NUMA1: variants seen among roughly 807,000 people sequenced by gnomAD.
NUMA1 encodes nuclear mitotic apparatus protein 1.
In NUMA1, 62 loss-of-function variants were observed where a neutral mutation model predicts 237.1. That is an observed-to-expected ratio of 0.26 (90% confidence interval 0.21 to 0.32). NUMA1 has a LOEUF of 0.32. Among genes scored for constraint, NUMA1 ranks in the 10% least tolerant of loss-of-function variants. NUMA1 has a pLI of 1.00. For synonymous variants in NUMA1, 1,028 were observed against 1,066.1 expected (o/e 0.96, Z 0.70); for missense variants, 2,533 against 2,666.5 (o/e 0.95, Z 1.10).
chr11:72,028,645 T>C (rs1177518084), intron 4 of NUMA1, among the ~76,000 whole-genome samples: 1 of 152,168 alleles, frequency 6.6e-6, no homozygotes, highest in East Asian at 1.9e-4. Flanking sequence ...GCTTATTAAA[T>C]GCTCATGGAC....
At chr11:72,049,417 A>T in intron 2 of NUMA1, 1 of 150,388 alleles carries the variant, frequency 6.6e-6, no homozygotes, top group East Asian at 2.0e-4. Flanking sequence ...GCTCTAAAGT[A>T]CCTTTTCAGG....
rs765532214 is a variant in NUMA1, at chr11:72,018,503, T to A, written c.753A>T (p.Ile251=). The change falls in exon 11 of 27, where the codon ATA becomes ATT. Residue 251 remains isoleucine, a synonymous_variant. Coordinates refer to ENST00000393695, the MANE Select transcript of NUMA1 (RefSeq NM_006185.4). ...RKLLTEKDAQ[I]AMMQQRIDRL... ...GGTCAATGCGCTGCTGCATCATGGC[T>A]ATCTGTGCATCTGCCCAGAGTGGAG... 4 of 1,613,980 alleles carry A rather than the reference T, an allele frequency of 2.5e-6. No individual in the cohort carries two copies. The highest frequency in any genetic ancestry group is 1.7e-4 in the Middle Eastern group (1 of 6,056).
At chr11:72,024,392 A>G (rs748804585) in intron 4 of NUMA1, 39 bp from the exon 5 acceptor site, 1 of 1,561,802 alleles carries the variant, frequency 6.4e-7, no homozygotes, top group East Asian at 2.2e-5. Flanking sequence ...AGTATTCAGC[A>G]ATCTTTGCCT....
intron 3 of NUMA1, among the ~76,000 whole-genome samples, chr11:72,032,920 A>C (rs1005694916): frequency 1.3e-5 from 2 of 152,216 alleles, no homozygotes; most frequent in African/African-American, 4.8e-5. Context: ...AGAGCTCCCA[A>C]TAATTCTAGT....
At chr11:72,079,496 C>T (rs1264120651) in intron 1 of NUMA1, among the ~76,000 whole-genome samples, 1 of 151,544 alleles carries the variant, frequency 6.6e-6, no homozygotes, top group African/African-American at 2.4e-5. Context: ...GCCGAGATCG[C>T]GCCACTGCAC....
At chr11:72,036,384 GTCTTTT>G (rs1487813126) in intron 2 of NUMA1, among the ~76,000 whole-genome samples, 1 of 152,308 alleles carries the variant, frequency 6.6e-6, no homozygotes, top group East Asian at 1.9e-4. Context: ...ACCTCTTTCA[GTCTTTT>G]TCTTTATCTG....
intron 2 of NUMA1, among the ~76,000 whole-genome samples, chr11:72,057,955 C>T (rs939762296): frequency 2.0e-4 from 30 of 151,232 alleles, no homozygotes; most frequent in African/African-American, 6.6e-4. Context: ...CCTGTAATCC[C>T]AGCTACTAGG....
intron 2 of NUMA1, among the ~76,000 whole-genome samples, chr11:72,063,491 C>T (rs908401612): frequency 6.6e-6 from 1 of 150,712 alleles, no homozygotes; most frequent in African/African-American, 2.4e-5. Flanking sequence ...GTCAGGAGTT[C>T]AAGACCAGCA....
At chr11:72,041,002 T>C (rs1260421821) in intron 2 of NUMA1, 1 of 151,832 alleles carries the variant, frequency 6.6e-6, no homozygotes, top group Admixed American at 6.6e-5. Context: ...TAATCCGCCA[T>C]TAGCATTTAA....
intron 2 of NUMA1, chr11:72,065,184 G>A (rs1037674625): frequency 1.3e-5 from 2 of 151,846 alleles, no homozygotes; most frequent in African/African-American, 4.8e-5. Flanking sequence ...AACCAAAAAC[G>A]TAGACAAAAA....
Position 72,009,931 on chromosome 11 carries a change from T to TTTA in NUMA1, c.4720-547_4720-545dup, listed in dbSNP as rs543101726. Among the ~76,000 whole-genome samples, 353 of 152,342 alleles carry TTTA rather than the reference T, an allele frequency of 2.3e-3. 1 individual carries two copies. Among genetic ancestry groups the TTTA allele is most frequent in the African/African-American group, 8.2e-3 (342 of 41,576 alleles). On this transcript the variant is annotated intron_variant, in intron 17 of 26. Coordinates refer to ENST00000393695, the MANE Select transcript of NUMA1 (RefSeq NM_006185.4). ...AACTCCAAAAGCCCATGGGGGCTTA[T>TTTA]TTATGATGCCCACACTGCCTCCTGT...
In NUMA1 at chr11:72,006,060, G is replaced by A. The variant is rs61745941; in HGVS notation, c.5667C>T (p.Ala1889=). 48,922 of 1,613,186 alleles carry A rather than the reference G, an allele frequency of 0.03. 822 individuals are homozygous for A. Among genetic ancestry groups the A allele is most frequent in the East Asian group, 0.064 (2,860 of 44,848 alleles). Residue 1889 remains alanine, a synonymous_variant, in exon 22 of 27, where the codon GCC becomes GCT. Transcript: ENST00000393695. ...CTGGAGGGGCCCCACTGGACACCCCGGCCTGGGAACGACGAGCAGAACTGC... is the reference window on the plus strand; with the variant it reads ...CTGGAGGGGCCCCACTGGACACCCCAGCCTGGGAACGACGAGCAGAACTGC... ...TTRSSARRSQ[A]GVSSGAPPGR...
intron 2 of NUMA1, among the ~76,000 whole-genome samples, chr11:72,037,085 G>C (rs1941109426): frequency 6.6e-6 from 1 of 152,198 alleles, no homozygotes; most frequent in Admixed American, 6.5e-5. Flanking sequence ...CCCAGAAGGT[G>C]CTCACTGTCT....
chr11:72,003,742 G>A, intron 26 of NUMA1, 145 bp downstream of exon 26: 1 of 1,007,654 alleles, frequency 9.9e-7, no homozygotes, highest in South Asian at 1.4e-5. Flanking sequence ...TCCTTGGAGA[G>A]GAGCTACCAG....
At chr11:72,022,883 T>C (rs894038147) in intron 6 of NUMA1, among the ~76,000 whole-genome samples, 182 bp downstream of exon 6, 1 of 152,136 alleles carries the variant, frequency 6.6e-6, no homozygotes, top group Non-Finnish European at 1.5e-5. Flanking sequence ...CCTAGAATCC[T>C]TGGGCTAAAT....
In NUMA1 at chr11:72,052,343, C is replaced by T. The variant is rs557926288; in HGVS notation, c.-32-16368G>A. Among the ~76,000 whole-genome samples, 16 of 152,190 alleles carry T rather than the reference C, an allele frequency of 1.1e-4. No individual in the cohort carries two copies. The South Asian group carries it at 2.9e-3, about 28-fold the overall frequency. ...TTTAAGCTAGATATTAAAATATGAG[C>T]AGGATAAGTAGAGTTTCACCAAAAA... On this transcript the variant is annotated intron_variant, in intron 2 of 26. Coordinates refer to ENST00000393695, the MANE Select transcript of NUMA1 (RefSeq NM_006185.4).
intron 15 of NUMA1, among the ~76,000 whole-genome samples, 195 bp from the exon 16 acceptor site, chr11:72,012,637 G>T (rs1226520453): frequency 6.6e-6 from 1 of 151,996 alleles, no homozygotes; most frequent in Admixed American, 6.5e-5. Context: ...GTGTGCCTCT[G>T]AACAGGCTGG....
chr11:72,018,013 C>G, intron 12 of NUMA1, 170 bp downstream of exon 12: 1 of 948,280 alleles, frequency 1.1e-6, no homozygotes, highest in Non-Finnish European at 1.6e-6. Context: ...AGCCCAGTAC[C>G]CGGGAAGCCG....
At chr11:72,076,848 C>T (rs1943733767) in intron 1 of NUMA1, 1 of 151,624 alleles carries the variant, frequency 6.6e-6, no homozygotes, top group Non-Finnish European at 1.5e-5. Flanking sequence ...TTGATTATGG[C>T]TGCTGTTTAC....
Sources: gnomAD v4.1 joint callset for allele counts (sites outside exome capture counted in the v4.1 genomes callset) on GRCh38, gnomAD v4.1.1 for gene constraint, MANE v1.5 for transcripts, NCBI Gene and HGNC (gene_info 2026-07-23, HGNC 2026-07-21) for gene names.